GLG1: variants seen among roughly 807,000 people sequenced by gnomAD.
GLG1 encodes the protein golgi glycoprotein 1, also known as Golgi apparatus protein 1.
A neutral mutation model predicts 160.5 loss-of-function variants in GLG1; 38 were observed. The ratio of observed to expected loss-of-function variants is 0.24; its 90% CI spans 0.18 to 0.31. The LOEUF (loss-of-function observed/expected upper bound fraction) is 0.31. GLG1 is among the 10% of genes least tolerant of loss of function. The pLI, the probability that GLG1 is intolerant of heterozygous loss-of-function variation, is 1.00. For synonymous variants in GLG1, 644 were observed against 543.4 expected (o/e 1.19, Z -2.57); for missense variants, 1,373 against 1,505.2 (o/e 0.91, Z 1.45).
At chr16:74,567,840 T>A (rs936851723) in intron 1 of GLG1, among the ~76,000 whole-genome samples, 1 of 151,286 alleles carries the variant, frequency 6.6e-6, no homozygotes, top group Non-Finnish European at 1.5e-5. Context: ...AGTGCTGGGA[T>A]TACAGGCGTG....
At chr16:74,476,905 A>T (rs1390160209) in intron 12 of GLG1, among the ~76,000 whole-genome samples, 1 of 152,230 alleles carries the variant, frequency 6.6e-6, no homozygotes, top group Non-Finnish European at 1.5e-5. Context: ...CCCACTATTC[A>T]TGCAGACCAG....
rs892914549 is a variant in GLG1 at position 74,601,176 on chromosome 16, T to C, written c.438+5481A>G. On this transcript the variant is annotated intron_variant, in intron 1 of 25. Coordinates refer to ENST00000422840, the MANE Select transcript of GLG1 (RefSeq NM_001145667.2). ...CACTGATTCCCTCCATGAATGAATA[T>C]GGAATCAGGAACTGGTACATATATA... Among the ~76,000 whole-genome samples, 7 of 152,276 alleles carry C rather than the reference T, an allele frequency of 4.6e-5. No individual in the cohort carries two copies. In the South Asian group the frequency reaches 6.2e-4, roughly 14 times the overall value.
rs919635111 is a variant in GLG1, at chr16:74,491,286, T to C, written c.1235-71A>G. 1.3e-5 allele frequency: 14 copies of C among 1,044,328 alleles called. No homozygotes were observed. The African/African-American group carries it at 1.4e-4, about 10-fold the overall frequency. The allele number at this position is 1,044,328 out of a possible 1,614,324, so 64.7% of individuals were successfully genotyped here. A position where few individuals can be genotyped will look rare whatever the true frequency, so the allele number is the denominator to read the frequency against. On this transcript the variant is annotated intron_variant, in intron 7 of 25. Transcript: ENST00000422840. Reference sequence around the variant, plus strand: ...TATTAGCATCAGAAATCACCACCTATTAAAAGTACATATTTCTATCTGTAA... The same window carrying C: ...TATTAGCATCAGAAATCACCACCTACTAAAAGTACATATTTCTATCTGTAA...
At chr16:74,529,833 T>TTC (rs2017474738) in intron 2 of GLG1, among the ~76,000 whole-genome samples, 5 of 147,262 alleles carry the variant, frequency 3.4e-5, no homozygotes, top group Non-Finnish European at 7.5e-5. Flanking sequence ...TTTTTTTTTT[T>TTC]TGTGACGGAG....
At chr16:74,568,344 T>C (rs998111097) in intron 1 of GLG1, among the ~76,000 whole-genome samples, 18 of 152,152 alleles carry the variant, frequency 1.2e-4, no homozygotes, top group South Asian at 6.2e-4. Context: ...CTAACTGATA[T>C]AGTGAGGAAC....
At chr16:74,456,800 A>C (rs1190975112) in intron 24 of GLG1, 45 bp from the exon 25 acceptor site, 1 of 1,160,990 alleles carries the variant, frequency 8.6e-7, no homozygotes. Context: ...AACTGTACAG[A>C]ATAGAGAAAT....
chr16:74,514,521 T>C (rs1472040600), intron 2 of GLG1, among the ~76,000 whole-genome samples: 1 of 152,200 alleles, frequency 6.6e-6, no homozygotes, highest in Non-Finnish European at 1.5e-5. Context: ...CAACCCAGAA[T>C]TTCATATCCA....
chr16:74,605,398 G>A (rs1339852447), intron 1 of GLG1, among the ~76,000 whole-genome samples: 1 of 152,126 alleles, frequency 6.6e-6, no homozygotes, highest in Non-Finnish European at 1.5e-5. Context: ...CCAGTATTAG[G>A]ATCCTAGTTT....
chr16:74,448,818 C>T lies in GLG1; in HGVS notation c.*4349G>A, dbSNP rs1281590453. 3 of 151,178 alleles carry T rather than the reference C, an allele frequency of 2.0e-5. No homozygotes were observed. The highest frequency in any genetic ancestry group is 4.4e-5 in the Non-Finnish European group (3 of 67,924). The allele number at this position is 151,178 out of a possible 1,614,324, so 9.4% of individuals were successfully genotyped here. A position where few individuals can be genotyped will look rare whatever the true frequency, so the allele number is the denominator to read the frequency against. On this transcript the variant is annotated 3_prime_UTR_variant, in exon 26 of 26. Coordinates refer to ENST00000422840, the MANE Select transcript of GLG1 (RefSeq NM_001145667.2). Reference sequence around the variant, plus strand: ...ACGCCTGTAATGCACTTTGGAAGGCCGAAGTGCACTTTGGCCGAAGTGGGC... The same window carrying T: ...ACGCCTGTAATGCACTTTGGAAGGCTGAAGTGCACTTTGGCCGAAGTGGGC...
At chr16:74,606,521 A>G (rs759479511) in intron 1 of GLG1, 136 bp downstream of exon 1, 2 of 665,584 alleles carry the variant, frequency 3.0e-6, no homozygotes, top group Non-Finnish European at 4.9e-6. Flanking sequence ...GGGAGTGAGG[A>G]GCAAAGAGGG....
At chr16:74,515,615 A>G (rs2016953882) in intron 2 of GLG1, among the ~76,000 whole-genome samples, 1 of 151,774 alleles carries the variant, frequency 6.6e-6, no homozygotes, top group South Asian at 2.1e-4. Context: ...TGACAAGTTA[A>G]TGGGTGCAGC....
At chr16:74,505,155 TC>T (rs1239221581) in intron 3 of GLG1, among the ~76,000 whole-genome samples, 6 of 152,150 alleles carry the variant, frequency 3.9e-5, no homozygotes, top group Non-Finnish European at 8.8e-5. Flanking sequence ...AAACACAATC[TC>T]CTCTTCCAAA....
chr16:74,540,701 G>C (rs570262175), intron 1 of GLG1, among the ~76,000 whole-genome samples: 6 of 151,396 alleles, frequency 4.0e-5, no homozygotes, highest in African/African-American at 1.5e-4. Flanking sequence ...GTTTGGTGCT[G>C]GTGTTAACCA....
intron 5 of GLG1, among the ~76,000 whole-genome samples, chr16:74,495,958 C>T (rs905861810): frequency 3.3e-5 from 5 of 152,040 alleles, no homozygotes; most frequent in Non-Finnish European, 5.9e-5. Context: ...GCTTATTTTA[C>T]GTTAGAATAG....
Position 74,570,034 on chromosome 16 carries a change from G to GA in GLG1, c.438+36622dup, listed in dbSNP as rs796957767. On this transcript the variant is annotated intron_variant, in intron 1 of 25. Transcript: ENST00000422840. ...CCGTCTCAAAAAAAAGAAAAGGAAAGAAAAAAAAAAAACAATAGTTTTGAA... is the reference window on the plus strand; with the variant it reads ...CCGTCTCAAAAAAAAGAAAAGGAAAGAAAAAAAAAAAAACAATAGTTTTGAA... Among the ~76,000 whole-genome samples the GA allele has an allele frequency of 2.7e-3, 333 of 122,154 alleles. 1 individual carries two copies. Among genetic ancestry groups the GA allele is most frequent in the African/African-American group, 4.5e-3 (149 of 33,248 alleles). The allele number at this position is 122,154 out of a possible 152,430, so 80.1% of individuals were successfully genotyped here. A position where few individuals can be genotyped will look rare whatever the true frequency, so the allele number is the denominator to read the frequency against.
Position 74,451,978 on chromosome 16 carries a change from T to A in GLG1, c.*1189A>T. ...AGAGCAAATCCTCCATCTTTTAATG[T>A]GATAACTTTCCACACCCTCTCCACG... On this transcript the variant is annotated 3_prime_UTR_variant, in exon 26 of 26. Coordinates refer to ENST00000422840, the MANE Select transcript of GLG1 (RefSeq NM_001145667.2). The A allele has an allele frequency of 9.6e-7, 1 of 1,041,408 alleles. No individual in the cohort carries two copies. The highest frequency in any genetic ancestry group is 2.4e-5 in the East Asian group (1 of 42,138). 64.5% of individuals were successfully genotyped at this position (1,041,408 alleles called of 1,614,324 possible).
intron 8 of GLG1, 73 bp from the exon 9 acceptor site, chr16:74,485,990 T>A (rs544637823): frequency 8.3e-7 from 1 of 1,199,116 alleles, no homozygotes; most frequent in East Asian, 2.4e-5. Flanking sequence ...TCTTCATACA[T>A]TCAGTTGCTC....
At position 74,451,965 on chromosome 16, in the gene GLG1, C is replaced by G. The variant is rs2014325729; in HGVS notation, c.*1202G>C. 1 of 939,826 alleles carries G rather than the reference C, an allele frequency of 1.1e-6. No individual in the cohort carries two copies. Among genetic ancestry groups the G allele is most frequent in the East Asian group, 2.4e-5 (1 of 41,652 alleles). The allele number at this position is 939,826 out of a possible 1,614,324, so 58.2% of individuals were successfully genotyped here. On this transcript the variant is annotated 3_prime_UTR_variant, in exon 26 of 26. Transcript: ENST00000422840. ...AAAGAAAAAAAACAGAGCAAATCCT[C>G]CATCTTTTAATGTGATAACTTTCCA...
At chr16:74,536,086 A>G (rs2017679322) in intron 1 of GLG1, among the ~76,000 whole-genome samples, 1 of 152,228 alleles carries the variant, frequency 6.6e-6, no homozygotes, top group South Asian at 2.1e-4. Context: ...TTCAGCACTC[A>G]GTCATGTGAT....
Sources: allele counts gnomAD v4.1 joint callset (sites outside exome capture counted in the v4.1 genomes callset), GRCh38; gene constraint gnomAD v4.1.1; transcripts MANE v1.5; gene names NCBI Gene and HGNC (gene_info 2026-07-23, HGNC 2026-07-21).